EEF2KMT: variants seen among roughly 807,000 people sequenced by gnomAD.
EEF2KMT encodes eukaryotic elongation factor 2 lysine methyltransferase.
EEF2KMT carries 30 observed loss-of-function variants against 35.1 expected under a neutral mutation model. The ratio of observed to expected loss-of-function variants is 0.85; its 90% CI spans 0.64 to 1.16. The LOEUF is 1.16. EEF2KMT is among the 50% of genes most tolerant of loss of function. EEF2KMT has a pLI of 0.00. For synonymous variants in EEF2KMT, 190 were observed against 187.7 expected, an observed-to-expected ratio of 1.01 and a Z score of -0.10; for missense variants, 499 against 438.2, an observed-to-expected ratio of 1.14 and a Z score of -1.24.
At position 5,085,869 on chromosome 16, in the gene EEF2KMT, G is replaced by A. The variant is rs9933366; in HGVS notation, c.893-137C>T. The A allele has an allele frequency of 6.1e-3, 4,426 of 725,886 alleles. 143 individuals carry two copies. The African/African-American group carries it at 0.067, about 11-fold the overall frequency. 45.0% of individuals were successfully genotyped at this position (725,886 alleles called of 1,614,324 possible). On this transcript the variant is annotated intron_variant, in intron 7 of 7. Transcript: ENST00000427587. ...GTTTACTTGGTTCACAGGTTCCCAG[G>A]CCCACCCAGGTGCCTAGAATTGGCC...
chr16:5,096,343 A>G (rs1166043353), intron 1 of EEF2KMT, among the ~76,000 whole-genome samples: 2 of 151,960 alleles, frequency 1.3e-5, no homozygotes, highest in East Asian at 1.9e-4. Flanking sequence ...TTTCTTGTTT[A>G]TTTATTTGTT....
intron 2 of EEF2KMT, 138 bp from the exon 3 acceptor site, chr16:5,093,702 C>A (rs770732174): frequency 1.3e-6 from 2 of 1,498,938 alleles, no homozygotes; most frequent in Non-Finnish European, 1.8e-6. Flanking sequence ...GCGTTTTGGC[C>A]CCATGCATCT....
In EEF2KMT at chr16:5,097,754, C is replaced by A; in HGVS notation, c.-15G>T. Reference sequence around the variant, plus strand: ...TCGGGCGCCATGACGTGGGCGGGGCCGCAGCGTTGCCGGCAGACCGGGCGG... The same window carrying A: ...TCGGGCGCCATGACGTGGGCGGGGCAGCAGCGTTGCCGGCAGACCGGGCGG... On this transcript the variant is annotated 5_prime_UTR_variant, in exon 1 of 8. Coordinates refer to ENST00000427587, the MANE Select transcript of EEF2KMT (RefSeq NM_201400.4). The A allele has an allele frequency of 1.3e-6, 2 of 1,548,274 alleles. No individual in the cohort carries two copies. The highest frequency in any genetic ancestry group is 8.7e-7 in the Non-Finnish European group (1 of 1,152,762).
At chr16:5,095,577 A>G (rs527256754) in intron 1 of EEF2KMT, 63 bp from the exon 2 acceptor site, 10 of 1,607,638 alleles carry the variant, frequency 6.2e-6, no homozygotes, top group African/African-American at 1.3e-5. Flanking sequence ...AACACGCAAT[A>G]GAATGTGTTG....
chr16:5,097,317 A>T (rs1236506054), intron 1 of EEF2KMT: 2 of 1,375,934 alleles, frequency 1.5e-6, no homozygotes, highest in Admixed American at 2.2e-5. Context: ...AGAATGGGCG[A>T]GGGCAGCTGT....
chr16:5,097,389 C>A, intron 1 of EEF2KMT: 1 of 1,473,258 alleles, frequency 6.8e-7, no homozygotes, highest in African/African-American at 1.4e-5. Flanking sequence ...TGAACTGTAC[C>A]CCACACCGAG....
At chr16:5,097,273 T>C (rs1213146476) in intron 1 of EEF2KMT, 92 of 1,319,906 alleles carry the variant, frequency 7.0e-5, no homozygotes, top group Non-Finnish European at 8.8e-5. Context: ...CAGGAGGACG[T>C]GGTTACCTGC....
rs533644394 is a variant in EEF2KMT at position 5,091,117 on chromosome 16, C to T, written c.343-552G>A. On this transcript the variant is annotated intron_variant, in intron 4 of 7. Coordinates refer to ENST00000427587, the MANE Select transcript of EEF2KMT (RefSeq NM_201400.4). ...TTTTTTTGAGACAGAGATTTGCTCT[C>T]GTTGCCCAGGCTGGAGTGCAATAGC... Among the ~76,000 whole-genome samples the T allele has an allele frequency of 2.3e-4, 35 of 151,950 alleles. No homozygotes were observed. The East Asian group carries it at 6.0e-3, about 26-fold the overall frequency.
intron 1 of EEF2KMT, among the ~76,000 whole-genome samples, chr16:5,097,023 A>G (rs1957484055): frequency 6.6e-6 from 1 of 152,236 alleles, no homozygotes; most frequent in African/African-American, 2.4e-5. Context: ...CTCACCGCAC[A>G]TGAATTACAA....
At position 5,095,635 on chromosome 16, in the gene EEF2KMT, G is replaced by A. The variant is rs1013570716; in HGVS notation, c.97-121C>T. 8.7e-6 allele frequency: 13 copies of A among 1,495,626 alleles called. No homozygotes were observed. In the Admixed American group the frequency reaches 2.3e-4, roughly 26 times the overall value. 92.6% of individuals were successfully genotyped at this position (1,495,626 alleles called of 1,614,324 possible). On this transcript the variant is annotated intron_variant, in intron 1 of 7. Coordinates refer to ENST00000427587, the MANE Select transcript of EEF2KMT (RefSeq NM_201400.4). ...CCTGGGGACGTGGAGCCAGTTGGAA[G>A]TGGAAGCCACAGCGGCTGAAAGCCT...
Position 5,084,406 on chromosome 16 carries a change from A to G in EEF2KMT, c.*1226T>C. The G allele has an allele frequency of 4.2e-6, 2 of 480,340 alleles. No individual in the cohort carries two copies. Among genetic ancestry groups the G allele is most frequent in the Non-Finnish European group, 7.6e-6 (2 of 261,622 alleles). The allele number at this position is 480,340 out of a possible 1,614,324, so 29.8% of individuals were successfully genotyped here. On this transcript the variant is annotated 3_prime_UTR_variant, in exon 8 of 8. Coordinates refer to ENST00000427587, the MANE Select transcript of EEF2KMT (RefSeq NM_201400.4). ...GATTCAGACAGTTTAGCAAGGCTGCAAAGAACACCGACACCCCCTTGTTAC... is the reference window on the plus strand; with the variant it reads ...GATTCAGACAGTTTAGCAAGGCTGCGAAGAACACCGACACCCCCTTGTTAC...
rs776869363 is a variant in EEF2KMT, at chr16:5,084,860, C to T, written c.*772G>A. On this transcript the variant is annotated 3_prime_UTR_variant, in exon 8 of 8. Transcript: ENST00000427587. ...ATGAGAGCTGGGTGCAGACTGTGCTCCCTTTGGTTATGGACACATAACTCC... is the reference window on the plus strand; with the variant it reads ...ATGAGAGCTGGGTGCAGACTGTGCTTCCTTTGGTTATGGACACATAACTCC... The T allele has an allele frequency of 2.5e-6, 4 of 1,596,176 alleles. No homozygotes were observed. Among genetic ancestry groups the T allele is most frequent in the African/African-American group, 2.7e-5 (2 of 74,806 alleles).
chr16:5,097,505 C>T (rs1468842771), intron 1 of EEF2KMT, 139 bp downstream of exon 1: 10 of 1,448,292 alleles, frequency 6.9e-6, no homozygotes, highest in Admixed American at 2.4e-5. Context: ...GGACGGGGAC[C>T]GGGTCGCGCG....
At chr16:5,096,517 C>T (rs1957469800) in intron 1 of EEF2KMT, among the ~76,000 whole-genome samples, 1 of 152,202 alleles carries the variant, frequency 6.6e-6, no homozygotes, top group South Asian at 2.1e-4. Flanking sequence ...GATCCACAGG[C>T]TTTTGTACTC....
Position 5,090,504 on chromosome 16 carries a change from C to A in EEF2KMT, c.404G>T (p.Gly135Val), listed in dbSNP as rs553187411. Residue 135 changes from glycine (G) to valine (V), a missense_variant, in exon 5 of 8, where the codon GGC becomes GTC. Transcript: ENST00000427587. This position sits in a 1 kb window ranked among gnomAD's most constrained non-coding sequence, Gnocchi z 4.1. The part of the protein sequence containing the change: ...STAIISYGTT[G>V]LVTWDAALYL... Reference sequence around the variant, plus strand: ...GAGGGCGGCGTCCCATGTGACCAGGCCTGTGGTACCGTAGGAGATGATGGC... The same window carrying A: ...GAGGGCGGCGTCCCATGTGACCAGGACTGTGGTACCGTAGGAGATGATGGC... 3.1e-6 allele frequency: 5 copies of A among 1,611,996 alleles called. No individual in the cohort carries two copies. In the Admixed American group the frequency reaches 6.7e-5, roughly 21 times the overall value.
intron 7 of EEF2KMT, 149 bp downstream of exon 7, chr16:5,088,958 T>G: frequency 6.5e-7 from 1 of 1,544,444 alleles, no homozygotes; most frequent in Non-Finnish European, 8.8e-7. Context: ...AAGCCCACCC[T>G]GCTCACTGGC....
chr16:5,089,300 G>T (rs772680036), intron 6 of EEF2KMT, 44 bp from the exon 7 acceptor site: 7 of 1,597,720 alleles, frequency 4.4e-6, no homozygotes, highest in Middle Eastern at 4.5e-4. Flanking sequence ...CAGTGGACAG[G>T]TCCAGGTCAT....
Position 5,090,756 on chromosome 16 carries a change from C to A in EEF2KMT, c.343-191G>T, listed in dbSNP as rs577696045. Among the ~76,000 whole-genome samples, 3 of 152,174 alleles carry A rather than the reference C, an allele frequency of 2.0e-5. No homozygotes were observed. The highest frequency in any genetic ancestry group is 2.0e-4 in the Admixed American group (3 of 15,290). On this transcript the variant is annotated intron_variant, in intron 4 of 7. Coordinates refer to ENST00000427587, the MANE Select transcript of EEF2KMT (RefSeq NM_201400.4). This position sits in a 1 kb window ranked among gnomAD's most constrained non-coding sequence, Gnocchi z 4.1. The stretch of plus-strand genomic sequence containing the variant: ...AGGGTGTCACGCGGTGTGAAAGACA[C>A]TCATCTCAGGCCACACAGGATTCCA...
chr16:5,097,482 G>A, intron 1 of EEF2KMT, 162 bp downstream of exon 1: 1 of 1,426,526 alleles, frequency 7.0e-7, no homozygotes, highest in East Asian at 2.5e-5. Flanking sequence ...GAGCGACTCT[G>A]GCCAGGCCCC....
Sources: allele counts gnomAD v4.1 joint callset (sites outside exome capture counted in the v4.1 genomes callset), GRCh38; gene constraint gnomAD v4.1.1; non-coding constraint Gnocchi (gnomAD v3.1); transcripts MANE v1.5; gene names NCBI Gene and HGNC (gene_info 2026-07-23, HGNC 2026-07-21).